The following TANGO6 variants were observed in gnomAD, a reference collection of about 807,000 sequenced individuals.
The protein encoded by TANGO6 is transport and Golgi organization protein 6 homolog.
In TANGO6, 90 loss-of-function variants were observed where a neutral mutation model predicts 114.2. The observed-to-expected ratio is 0.79, with a 90% confidence interval of 0.66 to 0.94. The LOEUF (loss-of-function observed/expected upper bound fraction) is 0.94. TANGO6 is among the 40% of genes least tolerant of loss of function. The pLI is 0.00. For missense variants in TANGO6, 1,274 were observed against 1,315.3 expected (o/e 0.97, Z 0.49); for synonymous variants, 477 against 509.8 (o/e 0.94, Z 0.87).
At chr16:69,078,626 C>G (rs1221225658) in intron 17 of TANGO6, among the ~76,000 whole-genome samples, 1 of 152,222 alleles carries the variant, frequency 6.6e-6, no homozygotes, top group Non-Finnish European at 1.5e-5. Flanking sequence ...TATTCATCCC[C>G]ACTAGACCAG....
intron 17 of TANGO6, among the ~76,000 whole-genome samples, chr16:69,074,953 A>G (rs915231276): frequency 7.9e-5 from 12 of 151,798 alleles, no homozygotes; most frequent in African/African-American, 2.7e-4. Flanking sequence ...GGTTCAAGCA[A>G]TTCTCCTGCC....
chr16:68,939,094 AAAC>A (rs1963325989), intron 14 of TANGO6, among the ~76,000 whole-genome samples: 2 of 150,434 alleles, frequency 1.3e-5, no homozygotes, highest in Non-Finnish European at 1.5e-5. Flanking sequence ...AAAAAAAAGC[AAAC>A]AACAATAACA....
chr16:68,897,599 A>G (rs956808628), intron 7 of TANGO6, among the ~76,000 whole-genome samples: 1 of 148,096 alleles, frequency 6.8e-6, no homozygotes, highest in Non-Finnish European at 1.5e-5. Context: ...TTTTTTTGAG[A>G]CGGTGTTTTA....
intron 1 of TANGO6, among the ~76,000 whole-genome samples, chr16:68,848,400 G>A (rs1961849219): frequency 6.6e-6 from 1 of 151,166 alleles, no homozygotes; most frequent in Non-Finnish European, 1.5e-5. Flanking sequence ...CTACCCAGAG[G>A]GTACCACTAT....
At chr16:68,906,306 T>C (rs1052646034) in intron 9 of TANGO6, among the ~76,000 whole-genome samples, 5 of 152,212 alleles carry the variant, frequency 3.3e-5, no homozygotes, top group Admixed American at 1.3e-4. Flanking sequence ...TGCATTTTCT[T>C]ATCTCGGCTA....
At chr16:69,038,203 C>T (rs1478110769) in intron 16 of TANGO6, among the ~76,000 whole-genome samples, 1 of 152,052 alleles carries the variant, frequency 6.6e-6, no homozygotes, top group Non-Finnish European at 1.5e-5. Context: ...CCGAGGCAGG[C>T]AGATCACCTG....
In TANGO6 at chr16:69,038,864, G is replaced by A. The variant is rs532116534; in HGVS notation, c.2995-1444G>A. On this transcript the variant is annotated intron_variant, in intron 16 of 17. Transcript: ENST00000261778. Reference sequence around the variant, plus strand: ...TTGAGACCAACCTGGCCAACATAGCGAAACTCCATCTCTACTAAAAATACA... The same window carrying A: ...TTGAGACCAACCTGGCCAACATAGCAAAACTCCATCTCTACTAAAAATACA... 5.3e-5 allele frequency among the ~76,000 whole-genome samples: 8 copies of A among 152,068 alleles called. No individual in the cohort carries two copies. In the South Asian group the frequency reaches 1.2e-3, roughly 24 times the overall value.
intron 14 of TANGO6, among the ~76,000 whole-genome samples, chr16:68,931,441 C>T (rs982891598): frequency 8.5e-5 from 13 of 152,326 alleles, no homozygotes; most frequent in Admixed American, 4.6e-4. Flanking sequence ...CTGCACAAAA[C>T]CTTGTGTGTG....
At position 68,902,415 on chromosome 16, in the gene TANGO6, G is replaced by A; in HGVS notation, c.1578G>A (p.Leu526=). 6.2e-7 allele frequency: 1 copy of A among 1,613,906 alleles called. No homozygotes were observed. Among genetic ancestry groups the A allele is most frequent in the South Asian group, 1.1e-5 (1 of 91,068 alleles). Residue 526 remains leucine, a synonymous_variant, in exon 9 of 18, where the codon TTG becomes TTA. Coordinates refer to ENST00000261778, the MANE Select transcript of TANGO6 (RefSeq NM_024562.2). ...CCAGCCTGAAAGGATTTGCAGGGTT[G>A]GACAAAGCTGTGCCCTCTCTCCATT... The part of the protein sequence containing the change: ...AIASLKGFAG[L]DKAVPSLHSL...
intron 14 of TANGO6, among the ~76,000 whole-genome samples, chr16:68,957,819 A>G (rs142389973): frequency 4.6e-4 from 70 of 152,312 alleles, no homozygotes; most frequent in Middle Eastern, 6.8e-3. Flanking sequence ...AACAACAATT[A>G]TCTAATAGAT....
At chr16:68,996,785 A>T (rs932224788) in intron 15 of TANGO6, among the ~76,000 whole-genome samples, 9 of 152,200 alleles carry the variant, frequency 5.9e-5, no homozygotes, top group Admixed American at 3.3e-4. Context: ...ATTTAATATC[A>T]AACCGAAAGT....
chr16:68,864,073 C>A (rs552609385), intron 3 of TANGO6, among the ~76,000 whole-genome samples: 6 of 151,798 alleles, frequency 4.0e-5, no homozygotes, highest in Non-Finnish European at 8.8e-5. Context: ...ACTCGGGAGG[C>A]TGAGTCAGGA....
At chr16:68,878,620 A>C (rs971552450) in intron 6 of TANGO6, among the ~76,000 whole-genome samples, 1 of 131,182 alleles carries the variant, frequency 7.6e-6, no homozygotes, top group Non-Finnish European at 1.5e-5. Context: ...TCCCCAAAGA[A>C]AAATGTCAGT....
chr16:69,007,932 G>C (rs2152223167), intron 15 of TANGO6, among the ~76,000 whole-genome samples: 1 of 152,092 alleles, frequency 6.6e-6, no homozygotes, highest in Non-Finnish European at 1.5e-5. Flanking sequence ...TGTGCTTCTT[G>C]GACGTTCATA....
At chr16:68,884,513 C>T (rs185094961) in intron 7 of TANGO6, among the ~76,000 whole-genome samples, 22 of 152,130 alleles carry the variant, frequency 1.4e-4, no homozygotes, top group Admixed American at 1.3e-4. Context: ...TCTAAATTAG[C>T]GAACAGTGGC....
intron 17 of TANGO6, among the ~76,000 whole-genome samples, chr16:69,069,639 T>C (rs1291568377): frequency 2.0e-5 from 3 of 152,190 alleles, no homozygotes; most frequent in Admixed American, 6.6e-5. Flanking sequence ...TTGCGTGTTA[T>C]TCCTCTGTTT....
At chr16:68,906,687 A>T (rs1052126484) in intron 9 of TANGO6, among the ~76,000 whole-genome samples, 11 of 151,902 alleles carry the variant, frequency 7.2e-5, no homozygotes, top group African/African-American at 2.7e-4. Flanking sequence ...GGGCTCAAGC[A>T]GTCTCCCTGC....
intron 17 of TANGO6, among the ~76,000 whole-genome samples, chr16:69,080,867 G>A (rs1422248243): frequency 3.9e-5 from 6 of 152,138 alleles, no homozygotes; most frequent in South Asian, 2.1e-4. Flanking sequence ...GGCCGGGCGC[G>A]GTGGCTCACG....
intron 15 of TANGO6, among the ~76,000 whole-genome samples, chr16:68,992,946 G>T (rs1482619304): frequency 6.6e-6 from 1 of 152,050 alleles, no homozygotes; most frequent in Non-Finnish European, 1.5e-5. Context: ...GCTCGCGCCT[G>T]TAGTCCCAAC....
Sources: gnomAD v4.1 joint callset for allele counts (sites outside exome capture counted in the v4.1 genomes callset) on GRCh38, gnomAD v4.1.1 for gene constraint, MANE v1.5 for transcripts, NCBI Gene and HGNC (gene_info 2026-07-23, HGNC 2026-07-21) for gene names.